The following PRR11 variants were observed in gnomAD, a reference collection of about 807,000 sequenced individuals.
The protein encoded by PRR11 is proline-rich protein 11.
Under a neutral mutation model 45.6 loss-of-function variants are expected in PRR11, and 30 were observed. The ratio of observed to expected loss-of-function variants is 0.66; its 90% CI spans 0.49 to 0.89. The LOEUF (loss-of-function observed/expected upper bound fraction) is 0.89. Ranked by LOEUF, PRR11 falls within the 40% of genes least tolerant of loss-of-function variation. The pLI is 0.00. For synonymous variants in PRR11, 128 were observed against 153.5 expected (o/e 0.83, Z 1.23); for missense variants, 373 against 424.8 (o/e 0.88, Z 1.07).
At chr17:59,201,508 G>A in intron 9 of PRR11, 55 bp from the exon 10 acceptor site, 1 of 1,553,754 alleles carries the variant, frequency 6.4e-7, no homozygotes, top group Non-Finnish European at 8.8e-7. Flanking sequence ...AAGGAGAGTT[G>A]TACTTATCAC....
intron 2 of PRR11, among the ~76,000 whole-genome samples, chr17:59,171,579 C>A (rs1199630886): frequency 1.3e-5 from 2 of 151,998 alleles, no homozygotes; most frequent in Non-Finnish European, 1.5e-5. Flanking sequence ...CACAACTTTA[C>A]AGGAACAGTA....
intron 2 of PRR11, 140 bp from the exon 3 acceptor site, chr17:59,184,914 C>T (rs916754212): frequency 9.1e-5 from 21 of 230,336 alleles, no homozygotes; most frequent in Non-Finnish European, 1.6e-4. Flanking sequence ...CGAGGCTAGT[C>T]TTGAACTCCT....
rs753650419 is a variant in PRR11 at position 59,195,375 on chromosome 17, T to C, written c.789T>C (p.Ser263=). The C allele has an allele frequency of 1.2e-6, 2 of 1,614,120 alleles. No individual in the cohort carries two copies. The highest frequency in any genetic ancestry group is 2.2e-5 in the South Asian group (2 of 91,088). ...PKARNPLVTV[S]DLQHVTLKPN... ...CACGGAATCCACTAGTTACCGTCTC[T>C]GACTTGCAGCATGTTACCCTGAAAC... Residue 263 remains serine (S), a synonymous_variant, in exon 7 of 10, where the codon TCT becomes TCC. Transcript: ENST00000262293.
intron 1 of PRR11, among the ~76,000 whole-genome samples, chr17:59,169,510 G>C (rs1008425954): frequency 6.6e-6 from 1 of 152,106 alleles, no homozygotes; most frequent in Non-Finnish European, 1.5e-5. Flanking sequence ...AAAACAAACT[G>C]AGAGAGTAAT....
chr17:59,171,363 T>G (rs1319664927), intron 2 of PRR11, among the ~76,000 whole-genome samples: 2 of 152,156 alleles, frequency 1.3e-5, no homozygotes, highest in Admixed American at 1.3e-4. Flanking sequence ...AAATAAAAAT[T>G]TATTTTTATA....
intron 2 of PRR11, among the ~76,000 whole-genome samples, chr17:59,174,293 T>C (rs915447224): frequency 6.6e-6 from 1 of 152,230 alleles, no homozygotes; most frequent in African/African-American, 2.4e-5. Flanking sequence ...CCGTTTCTAA[T>C]GTGACAACAT....
chr17:59,169,388 A>G (rs2046696082), intron 1 of PRR11, among the ~76,000 whole-genome samples: 1 of 151,966 alleles, frequency 6.6e-6, no homozygotes, highest in Non-Finnish European at 1.5e-5. Context: ...ATGAGCCACC[A>G]CACCTGGCCA....
In PRR11 at chr17:59,205,760, T is replaced by C. The variant is rs1279136293; in HGVS notation, c.*4129T>C. Reference sequence around the variant, plus strand: ...TATATAAATTAAAAAATTATAGGCTTGGGGGCCAGGCACAGTGGCTCACAC... The same window carrying C: ...TATATAAATTAAAAAATTATAGGCTCGGGGGCCAGGCACAGTGGCTCACAC... On this transcript the variant is annotated 3_prime_UTR_variant, in exon 10 of 10. Coordinates refer to ENST00000262293, the MANE Select transcript of PRR11 (RefSeq NM_018304.4). Among the ~76,000 whole-genome samples the C allele has an allele frequency of 4.6e-5, 7 of 151,036 alleles. No individual in the cohort carries two copies. The highest frequency in any genetic ancestry group is 3.5e-3 in the Middle Eastern group (1 of 288).
intron 4 of PRR11, 52 bp downstream of exon 4, chr17:59,185,614 T>A: frequency 6.8e-7 from 1 of 1,470,612 alleles, no homozygotes; most frequent in Non-Finnish European, 9.3e-7. Flanking sequence ...GGAGACACTT[T>A]TTTTGAAAAG....
At chr17:59,169,615 T>C in intron 1 of PRR11, 133 bp from the exon 2 acceptor site, 3 of 795,800 alleles carry the variant, frequency 3.8e-6, no homozygotes, top group Non-Finnish European at 5.7e-6. Context: ...GGTAGTGACC[T>C]ATTTCTTAAC....
At chr17:59,176,808 T>A (rs1346740838) in intron 2 of PRR11, among the ~76,000 whole-genome samples, 1 of 150,680 alleles carries the variant, frequency 6.6e-6, no homozygotes, top group Non-Finnish European at 1.5e-5. Flanking sequence ...CGGGTTCTCT[T>A]GCCTGAGCCT....
intron 4 of PRR11, among the ~76,000 whole-genome samples, chr17:59,191,708 C>T (rs751447018): frequency 6.6e-6 from 1 of 152,118 alleles, no homozygotes; most frequent in Middle Eastern, 3.2e-3. Context: ...TTACATTACC[C>T]CTCTTTTCAA....
intron 2 of PRR11, chr17:59,179,945 A>G: frequency 8.0e-7 from 1 of 1,251,274 alleles, no homozygotes. Flanking sequence ...CCAGACCCAA[A>G]ACGCCAAACC....
chr17:59,197,082 C>T (rs888851201), intron 7 of PRR11, among the ~76,000 whole-genome samples: 4 of 151,248 alleles, frequency 2.6e-5, no homozygotes, highest in Admixed American at 6.6e-5. Context: ...CTCCTGACCT[C>T]GTGATCCATC....
chr17:59,194,682 A>G (rs979048044), intron 5 of PRR11, 75 bp from the exon 6 acceptor site: 1 of 1,180,998 alleles, frequency 8.5e-7, no homozygotes, highest in East Asian at 2.4e-5. Context: ...GAGTCTTTAA[A>G]AACTAGATTT....
At chr17:59,162,659 AT>A (rs965822111) in intron 1 of PRR11, among the ~76,000 whole-genome samples, 2 of 145,398 alleles carry the variant, frequency 1.4e-5, no homozygotes, top group South Asian at 2.2e-4. Context: ...TTATTTCATG[AT>A]TTTTTTTTCA....
chr17:59,202,029 T>C lies in PRR11; in HGVS notation c.*398T>C, dbSNP rs1337585176. On this transcript the variant is annotated 3_prime_UTR_variant, in exon 10 of 10. Coordinates refer to ENST00000262293, the MANE Select transcript of PRR11 (RefSeq NM_018304.4). Reference sequence around the variant, plus strand: ...TTTTTTTAATGTAGTAGGGTTTATATAGATATACTAATATAATTGCATTTG... The same window carrying C: ...TTTTTTTAATGTAGTAGGGTTTATACAGATATACTAATATAATTGCATTTG... The C allele has an allele frequency of 1.1e-5, 2 of 188,268 alleles. No individual in the cohort carries two copies. Among genetic ancestry groups the C allele is most frequent in the Admixed American group, 5.3e-5 (1 of 18,752 alleles). 11.7% of individuals were successfully genotyped at this position (188,268 alleles called of 1,614,324 possible).
chr17:59,176,417 G>A (rs1186342182), intron 2 of PRR11, among the ~76,000 whole-genome samples: 9 of 152,136 alleles, frequency 5.9e-5, no homozygotes, highest in Non-Finnish European at 1.2e-4. Flanking sequence ...ACTCCAGGAG[G>A]CCCCAGCAGG....
rs1026273830 is a variant in PRR11, at chr17:59,205,410, A to T, written c.*3779A>T. ...ACTAGAAATATAATACCTATAGAAA[A>T]GTAAATGTTGGCCGGGTGCGGTGGC... On this transcript the variant is annotated 3_prime_UTR_variant, in exon 10 of 10. Transcript: ENST00000262293. 2.0e-5 allele frequency among the ~76,000 whole-genome samples: 3 copies of T among 151,596 alleles called. No individual in the cohort carries two copies. The highest frequency in any genetic ancestry group is 7.3e-5 in the African/African-American group (3 of 41,248).
Sources: allele counts gnomAD v4.1 joint callset (sites outside exome capture counted in the v4.1 genomes callset), GRCh38; gene constraint gnomAD v4.1.1; transcripts MANE v1.5; gene names NCBI Gene and HGNC (gene_info 2026-07-23, HGNC 2026-07-21).